Variants in IGF1R observed in about 807,000 individuals in gnomAD.
IGF1R encodes insulin-like growth factor 1 receptor.
Under a neutral mutation model 144.6 loss-of-function variants are expected in IGF1R, and 44 were observed. The ratio of observed to expected loss-of-function variants is 0.30; its 90% CI spans 0.24 to 0.39. The LOEUF is 0.39. Among genes scored for constraint, IGF1R ranks in the 10% least tolerant of loss-of-function variants. The pLI, the probability that IGF1R is intolerant of heterozygous loss-of-function variation, is 1.00. For synonymous variants in IGF1R, 795 were observed against 722.8 expected (o/e 1.10, Z -1.60); for missense variants, 1,355 against 1,833.7 (o/e 0.74, Z 4.77).
chr15:98,765,329 T>C (rs1198167577), intron 2 of IGF1R, among the ~76,000 whole-genome samples: 3 of 142,630 alleles, frequency 2.1e-5, no homozygotes, highest in Middle Eastern at 3.5e-3. Flanking sequence ...TTTTTTTTTT[T>C]TTTTTTTGAG....
intron 2 of IGF1R, among the ~76,000 whole-genome samples, chr15:98,817,874 C>T (rs2056727839): frequency 6.6e-6 from 1 of 152,190 alleles, no homozygotes; most frequent in Non-Finnish European, 1.5e-5. Flanking sequence ...CCCAGTCTTG[C>T]CTCTGCCTAC....
At chr15:98,875,341 TTTC>T (rs2013004701) in intron 2 of IGF1R, among the ~76,000 whole-genome samples, 1 of 137,364 alleles carries the variant, frequency 7.3e-6, no homozygotes, top group Non-Finnish European at 1.6e-5. Flanking sequence ...TTTCTTTTCT[TTTC>T]TTTTCTTTTT....
In IGF1R at chr15:98,824,929, C is replaced by T. The variant is rs56853828; in HGVS notation, c.641-66396C>T. Among the ~76,000 whole-genome samples, 348 of 152,012 alleles carry T rather than the reference C, an allele frequency of 2.3e-3. 4 individuals are homozygous for T. The highest frequency in any genetic ancestry group is 7.9e-3 in the African/African-American group (328 of 41,456). On this transcript the variant is annotated intron_variant, in intron 2 of 20. Transcript: ENST00000650285. Reference sequence around the variant, plus strand: ...TCGGCTCACTGCAACCTCTGCCTTCCGGGTTCAAGCGATTCTCCTGCCTCA... The same window carrying T: ...TCGGCTCACTGCAACCTCTGCCTTCTGGGTTCAAGCGATTCTCCTGCCTCA...
At chr15:98,876,314 TAAAA>T (rs35359680) in intron 2 of IGF1R, among the ~76,000 whole-genome samples, 28 of 143,860 alleles carry the variant, frequency 1.9e-4, no homozygotes, top group Admixed American at 6.2e-4. Flanking sequence ...TATTAAGAGT[TAAAA>T]AAAAAAAAAG....
At chr15:98,790,914 T>C (rs2141415019) in intron 2 of IGF1R, among the ~76,000 whole-genome samples, 1 of 152,326 alleles carries the variant, frequency 6.6e-6, no homozygotes, top group African/African-American at 2.4e-5. Context: ...AAAGTGACGT[T>C]GGTTAATCAA....
At chr15:98,838,299 A>C (rs1427632805) in intron 2 of IGF1R, among the ~76,000 whole-genome samples, 1 of 152,214 alleles carries the variant, frequency 6.6e-6, no homozygotes, top group Non-Finnish European at 1.5e-5. Flanking sequence ...TAGAAAGATA[A>C]AAATTAAAAT....
chr15:98,828,729 A>G (rs2056944649), intron 2 of IGF1R, among the ~76,000 whole-genome samples: 1 of 150,362 alleles, frequency 6.7e-6, no homozygotes, highest in Non-Finnish European at 1.5e-5. Context: ...CCTGAAACGA[A>G]TATTTTTCTG....
At chr15:98,803,001 C>A (rs1457127467) in intron 2 of IGF1R, among the ~76,000 whole-genome samples, 1 of 151,920 alleles carries the variant, frequency 6.6e-6, no homozygotes, top group East Asian at 1.9e-4. Flanking sequence ...AAATGGTTTC[C>A]TGCTGTTTTT....
Position 98,954,241 on chromosome 15 carries a change from G to C in IGF1R, c.3723-2820G>C, listed in dbSNP as rs79644962. 15 of 152,244 alleles carry C rather than the reference G, an allele frequency of 9.9e-5. 1 individual carries two copies. The South Asian group carries it at 1.0e-3, about 11-fold the overall frequency. 9.4% of individuals were successfully genotyped at this position (152,244 alleles called of 1,614,324 possible). A position where few individuals can be genotyped will look rare whatever the true frequency, so the allele number is the denominator to read the frequency against. On this transcript the variant is annotated intron_variant, in intron 20 of 20. Coordinates refer to ENST00000650285, the MANE Select transcript of IGF1R (RefSeq NM_000875.5). The stretch of plus-strand genomic sequence containing the variant: ...CTGACCGTCACCCAGCCTCCGGGGG[G>C]GGTCACAGCTGGCCCCCAGGAAGCT...
At position 98,956,248 on chromosome 15, in the gene IGF1R, G is replaced by A. The variant is rs45553837; in HGVS notation, c.3723-813G>A. Among the ~76,000 whole-genome samples the A allele has an allele frequency of 4.8e-3, 728 of 152,344 alleles. 7 individuals are homozygous for A. Among genetic ancestry groups the A allele is most frequent in the African/African-American group, 0.016 (671 of 41,594 alleles). ...AGGTATTTGCAGCCCAGGTGCTGTC[G>A]GAGCCCAGCCGATGCGACCGACACA... On this transcript the variant is annotated intron_variant, in intron 20 of 20. Transcript: ENST00000650285.
intron 2 of IGF1R, among the ~76,000 whole-genome samples, chr15:98,810,640 C>T (rs1339590837): frequency 6.6e-6 from 1 of 151,888 alleles, no homozygotes; most frequent in Non-Finnish European, 1.5e-5. Context: ...GCTCCGCCTC[C>T]CGGCTTCACG....
intron 2 of IGF1R, among the ~76,000 whole-genome samples, chr15:98,819,303 C>T (rs1350737659): frequency 6.6e-6 from 1 of 152,164 alleles, no homozygotes; most frequent in Non-Finnish European, 1.5e-5. Flanking sequence ...AAATGGAAAA[C>T]CCTGCCACTG....
rs556572148 is a variant in IGF1R at position 98,868,615 on chromosome 15, C to T, written c.641-22710C>T. On this transcript the variant is annotated intron_variant, in intron 2 of 20. Transcript: ENST00000650285. ...AGAAGCACTGACCCTGAAGTCAGGT[C>T]GCCCAGGTTGGAATTCCAGCTCTGC... Among the ~76,000 whole-genome samples, 5 of 152,212 alleles carry T rather than the reference C, an allele frequency of 3.3e-5. No homozygotes were observed. In the East Asian group the frequency reaches 7.7e-4, roughly 24 times the overall value.
intron 1 of IGF1R, among the ~76,000 whole-genome samples, chr15:98,681,877 C>T (rs529134316): frequency 2.6e-5 from 4 of 152,068 alleles, no homozygotes; most frequent in Non-Finnish European, 5.9e-5. Context: ...GATGGTCACT[C>T]TTCAGGATGG....
intron 20 of IGF1R, among the ~76,000 whole-genome samples, chr15:98,956,375 A>G (rs377010192): frequency 6.6e-6 from 1 of 152,306 alleles, no homozygotes; most frequent in East Asian, 1.9e-4. Flanking sequence ...TCAGGTCTAC[A>G]CGGGGCCTCT....
At chr15:98,730,266 CAT>C (rs1314856252) in intron 2 of IGF1R, among the ~76,000 whole-genome samples, 2 of 151,432 alleles carry the variant, frequency 1.3e-5, no homozygotes, top group African/African-American at 4.9e-5. Flanking sequence ...CACAGTAAAA[CAT>C]AGATATACAC....
At chr15:98,827,601 G>A (rs1354737395) in intron 2 of IGF1R, among the ~76,000 whole-genome samples, 1 of 152,192 alleles carries the variant, frequency 6.6e-6, no homozygotes, top group East Asian at 1.9e-4. Context: ...CTGATTAAAT[G>A]TGGTCATTTA....
At chr15:98,944,118 T>C (rs2016465599) in intron 19 of IGF1R, among the ~76,000 whole-genome samples, 1 of 152,194 alleles carries the variant, frequency 6.6e-6, no homozygotes, top group African/African-American at 2.4e-5. Flanking sequence ...AGAGCAAGCC[T>C]GGGTATGTGC....
At chr15:98,912,998 T>G in intron 7 of IGF1R, 46 bp from the exon 8 acceptor site, 1 of 1,374,668 alleles carries the variant, frequency 7.3e-7, no homozygotes, top group East Asian at 2.3e-5. Flanking sequence ...TTTGAGGGTT[T>G]TGATGTCAGA....
Sources: allele counts gnomAD v4.1 joint callset (sites outside exome capture counted in the v4.1 genomes callset), GRCh38; gene constraint gnomAD v4.1.1; transcripts MANE v1.5; gene names NCBI Gene and HGNC (gene_info 2026-07-23, HGNC 2026-07-21).